Variants in XRCC6 observed in about 807,000 individuals in gnomAD.
XRCC6 encodes the protein X-ray repair cross complementing 6.
In XRCC6, 5 loss-of-function variants were observed where a neutral mutation model predicts 65.7. That is an observed-to-expected ratio of 0.08 (90% CI 0.04 to 0.16). XRCC6 has a LOEUF of 0.16. Among genes scored for constraint, XRCC6 ranks in the 10% least tolerant of loss-of-function variants. The pLI, the probability that XRCC6 is intolerant of heterozygous loss-of-function variation, is 1.00. For synonymous variants in XRCC6, 270 were observed against 270.6 expected, an observed-to-expected ratio of 1.00 and a Z score of 0.02; for missense variants, 447 against 738.1, an observed-to-expected ratio of 0.61 and a Z score of 4.57.
At chr22:41,647,331 C>T (rs552312022) in intron 7 of XRCC6, among the ~76,000 whole-genome samples, 27 of 152,068 alleles carry the variant, frequency 1.8e-4, no homozygotes, top group African/African-American at 6.3e-4. Flanking sequence ...GCCTGTAATC[C>T]CAGCACTTTG....
At chr22:41,662,628 C>T (rs2068110212) in intron 12 of XRCC6, among the ~76,000 whole-genome samples, 1 of 152,140 alleles carries the variant, frequency 6.6e-6, no homozygotes, top group South Asian at 2.1e-4. Flanking sequence ...CTGCAGTGAA[C>T]ATGCATTTCC....
intron 7 of XRCC6, among the ~76,000 whole-genome samples, chr22:41,649,139 A>ATATATATATATATATATATAT (rs1555906701): frequency 6.8e-5 from 6 of 88,718 alleles, no homozygotes; most frequent in South Asian, 4.4e-4. Flanking sequence ...AAAAAAAAAA[A>ATATATATATATATATATATAT]ATATATATAT....
intron 4 of XRCC6, 59 bp downstream of exon 4, chr22:41,636,310 C>T (rs2067809393): frequency 6.5e-7 from 1 of 1,532,050 alleles, no homozygotes; most frequent in Non-Finnish European, 8.8e-7. Context: ...GTACTCTGAT[C>T]AAAGAGGACT....
At chr22:41,623,871 C>T (rs531036068) in intron 2 of XRCC6, among the ~76,000 whole-genome samples, 4 of 152,166 alleles carry the variant, frequency 2.6e-5, no homozygotes, top group African/African-American at 7.2e-5. Context: ...CAGGCGTGTG[C>T]GCCACCACAC....
At chr22:41,662,970 A>C (rs534204309) in intron 12 of XRCC6, among the ~76,000 whole-genome samples, 14 of 152,182 alleles carry the variant, frequency 9.2e-5, no homozygotes, top group African/African-American at 3.1e-4. Context: ...AGTCCCAACT[A>C]CCTGGGAGAC....
At chr22:41,632,770 C>G (rs1014407018) in intron 3 of XRCC6, among the ~76,000 whole-genome samples, 1 of 150,612 alleles carries the variant, frequency 6.6e-6, no homozygotes, top group Admixed American at 6.6e-5. Flanking sequence ...CTGCACTGAG[C>G]TATGATTGTG....
intron 3 of XRCC6, among the ~76,000 whole-genome samples, chr22:41,634,372 G>A (rs1047091407): frequency 6.6e-6 from 1 of 151,608 alleles, no homozygotes; most frequent in East Asian, 1.9e-4. Flanking sequence ...TTTGTTTTTT[G>A]TAGAGACATT....
intron 6 of XRCC6, 119 bp downstream of exon 6, chr22:41,637,910 A>T: frequency 9.1e-7 from 1 of 1,103,674 alleles, no homozygotes. Context: ...GGATTGCTTG[A>T]GCCTAGGAGT....
chr22:41,629,897 C>T (rs1204338099), intron 3 of XRCC6, among the ~76,000 whole-genome samples: 3 of 151,582 alleles, frequency 2.0e-5, no homozygotes, highest in African/African-American at 7.3e-5. Context: ...TCTCAATCTC[C>T]TGAAGTGATC....
At chr22:41,633,683 C>T (rs2085375538) in intron 3 of XRCC6, among the ~76,000 whole-genome samples, 1 of 151,970 alleles carries the variant, frequency 6.6e-6, no homozygotes, top group African/African-American at 2.4e-5. Context: ...ACCTGGCCAA[C>T]CGTGGACCTC....
rs144313964 is a variant in XRCC6 at position 41,650,806 on chromosome 22, G to A, written c.1044G>A (p.Met348Ile). 1.2e-4 allele frequency: 201 copies of A among 1,613,968 alleles called. No homozygotes were observed. In the African/African-American group the frequency reaches 2.4e-3, roughly 19 times the overall value. The change falls in exon 8 of 13, where the codon ATG (methionine) becomes ATA (isoleucine). Residue 348 changes from methionine (M) to isoleucine (I), a missense_variant. Physicochemically the swap from Met to Ile is conservative, Grantham distance 10. Around this residue, in one of 4 missense-constraint regions of XRCC6, gnomAD observed 201 missense variants for 374.1 expected, o/e 0.54. Coordinates refer to ENST00000360079, the MANE Select transcript of XRCC6 (RefSeq NM_001469.5). ...KRFDDPGLML[M>I]GFKPLVLLKK... The stretch of plus-strand genomic sequence containing the variant: ...TTGATGATCCAGGTTTGATGCTCAT[G>A]GGTTTCAAGCCGTTGGTACTGCTGA...
chr22:41,646,755 T>C lies in XRCC6; in HGVS notation c.774-141T>C, dbSNP rs2067936198. Reference sequence around the variant, plus strand: ...TGGTATAGCAAATTCGATTGTATTATTAAAAAGCATATTTATATTTTGAGA... The same window carrying C: ...TGGTATAGCAAATTCGATTGTATTACTAAAAAGCATATTTATATTTTGAGA... On this transcript the variant is annotated intron_variant, in intron 6 of 12. Transcript: ENST00000360079. 10 of 705,520 alleles carry C rather than the reference T, an allele frequency of 1.4e-5. No individual in the cohort carries two copies. In the South Asian group the frequency reaches 2.1e-4, roughly 15 times the overall value. 43.7% of individuals were successfully genotyped at this position (705,520 alleles called of 1,614,324 possible).
intron 11 of XRCC6, 107 bp downstream of exon 11, chr22:41,658,459 C>G: frequency 9.8e-7 from 1 of 1,020,624 alleles, no homozygotes; most frequent in Non-Finnish European, 1.5e-6. Flanking sequence ...AACACTTAAC[C>G]TCATTCCCCA....
chr22:41,627,876 GA>G (rs973118597), intron 2 of XRCC6, among the ~76,000 whole-genome samples: 3 of 151,576 alleles, frequency 2.0e-5, no homozygotes, highest in African/African-American at 4.8e-5. Context: ...CCCTATCTCA[GA>G]AAAAAAAGTC....
chr22:41,622,052 A>G lies in XRCC6; in HGVS notation c.48A>G (p.Ala16=), dbSNP rs1316922442. 6.2e-7 allele frequency: 1 copy of G among 1,614,278 alleles called. No homozygotes were observed. The highest frequency in any genetic ancestry group is 1.3e-5 in the African/African-American group (1 of 75,082). ...SYYKTEGDEE[A]EEEQEENLEA... ...ACAAAACCGAGGGCGATGAAGAAGC[A>G]GAGGAAGAACAAGAAGAGAACCTTG... is the stretch of plus-strand genomic sequence containing the variant. The change falls in exon 2 of 13, where the codon GCA becomes GCG. Residue 16 remains alanine (A), a synonymous_variant. Coordinates refer to ENST00000360079, the MANE Select transcript of XRCC6 (RefSeq NM_001469.5).
chr22:41,625,828 AAAAT>A (rs1205643510), intron 2 of XRCC6, among the ~76,000 whole-genome samples: 5 of 152,166 alleles, frequency 3.3e-5, no homozygotes, highest in Non-Finnish European at 7.4e-5. Flanking sequence ...GACTGTTTCT[AAAAT>A]AATTAATTCA....
chr22:41,657,088 A>T, intron 10 of XRCC6, 56 bp downstream of exon 10: 1 of 1,520,702 alleles, frequency 6.6e-7, no homozygotes, highest in Non-Finnish European at 8.8e-7. Flanking sequence ...TCTTATTAGA[A>T]ACAGCTTGGG....
At chr22:41,625,626 C>G (rs774894464) in intron 2 of XRCC6, among the ~76,000 whole-genome samples, 6 of 152,036 alleles carry the variant, frequency 3.9e-5, no homozygotes, top group Non-Finnish European at 7.4e-5. Flanking sequence ...CTCTCTAGGT[C>G]CTTAGTAGGA....
At chr22:41,636,873 A>C in intron 5 of XRCC6, 103 bp downstream of exon 5, 1 of 1,429,944 alleles carries the variant, frequency 7.0e-7, no homozygotes, top group Non-Finnish European at 9.3e-7. Flanking sequence ...TCAGCCTCCC[A>C]AGTAGCTGGG....
Sources: gnomAD v4.1 joint callset for allele counts (sites outside exome capture counted in the v4.1 genomes callset) on GRCh38, gnomAD v4.1.1 for gene constraint, gnomAD v4.1.1 regional missense constraint, MANE v1.5 for transcripts, NCBI Gene and HGNC (gene_info 2026-07-23, HGNC 2026-07-21) for gene names.